Variants in LRRC40 observed in about 807,000 individuals in gnomAD.
The protein encoded by LRRC40 is leucine rich repeat containing 40, also known as leucine-rich repeat-containing protein 40.
LRRC40 carries 76 observed loss-of-function variants against 72.8 expected under a neutral mutation model. That is an observed-to-expected ratio of 1.04 (90% CI 0.87 to 1.26). The LOEUF (loss-of-function observed/expected upper bound fraction) is 1.26, where lower values mean the gene tolerates loss of function less well. Ranked by LOEUF, LRRC40 falls within the 50% of genes most tolerant of loss-of-function variation. The pLI is 0.00. For synonymous variants in LRRC40, 243 were observed against 254.2 expected (o/e 0.96, Z 0.42); for missense variants, 684 against 698.9 (o/e 0.98, Z 0.24).
intron 14 of LRRC40, among the ~76,000 whole-genome samples, 180 bp downstream of exon 14, chr1:70,148,307 T>C (rs1284900571): frequency 6.6e-6 from 1 of 152,132 alleles, no homozygotes; most frequent in Non-Finnish European, 1.5e-5. Flanking sequence ...AAACTAAAAA[T>C]ATACATTTGG....
At chr1:70,171,239 G>T (rs1055244327) in intron 9 of LRRC40, among the ~76,000 whole-genome samples, 3 of 150,696 alleles carry the variant, frequency 2.0e-5, no homozygotes, top group African/African-American at 7.3e-5. Flanking sequence ...TAAAACAATG[G>T]CGTTATAAAA....
intron 9 of LRRC40, among the ~76,000 whole-genome samples, chr1:70,162,162 T>A (rs1402782802): frequency 6.6e-6 from 1 of 152,118 alleles, no homozygotes; most frequent in Admixed American, 6.5e-5. Context: ...AGGAACTAAG[T>A]GAACCATCAT....
chr1:70,159,411 G>A lies in LRRC40; in HGVS notation c.1139C>T (p.Ala380Val). The change falls in exon 10 of 15, where the codon GCT becomes GTT. Residue 380 changes from alanine (A) to valine (V), a missense_variant. Transcript: ENST00000370952. ...TGGTAGTGTCATGGCAGTCTCAGTAGCAGACTCACTTTGGCTAGGTCCATC... is the reference window on the plus strand; with the variant it reads ...TGGTAGTGTCATGGCAGTCTCAGTAACAGACTCACTTTGGCTAGGTCCATC... ...KDDGPSQSES[A>V]TETAMTLPSE... is the part of the protein sequence containing the mutation. 6.3e-7 allele frequency: 1 copy of A among 1,594,276 alleles called. No homozygotes were observed. The highest frequency in any genetic ancestry group is 1.1e-5 in the South Asian group (1 of 88,124).
chr1:70,188,078 T>C (rs1380026866), intron 2 of LRRC40, among the ~76,000 whole-genome samples: 3 of 152,212 alleles, frequency 2.0e-5, no homozygotes, highest in African/African-American at 4.8e-5. Flanking sequence ...ACTTTTCTCA[T>C]GTTCTCACAG....
rs142378141 is a variant in LRRC40 at position 70,175,462 on chromosome 1, A to C, written c.977+348T>G. On this transcript the variant is annotated intron_variant, in intron 7 of 14. Coordinates refer to ENST00000370952, the MANE Select transcript of LRRC40 (RefSeq NM_017768.5). Reference sequence around the variant, plus strand: ...TTCTAAAACGTACCCATATTTGGGAAACAGTGCTATGGCAAGGCTTTTAAA... The same window carrying C: ...TTCTAAAACGTACCCATATTTGGGACACAGTGCTATGGCAAGGCTTTTAAA... Among the ~76,000 whole-genome samples, 267 of 152,306 alleles carry C rather than the reference A, an allele frequency of 1.8e-3. 4 individuals are homozygous for C. The highest frequency in any genetic ancestry group is 1.2e-3 in the Non-Finnish European group (82 of 68,012).
intron 11 of LRRC40, 64 bp from the exon 12 acceptor site, chr1:70,152,607 A>C (rs529534068): frequency 1.2e-6 from 1 of 810,618 alleles, no homozygotes; most frequent in South Asian, 1.5e-5. Flanking sequence ...CAAAACTGTA[A>C]GCAGATCAAA....
intron 4 of LRRC40, among the ~76,000 whole-genome samples, chr1:70,181,765 C>A (rs1057204321): frequency 1.3e-5 from 2 of 151,972 alleles, no homozygotes; most frequent in Non-Finnish European, 2.9e-5. Context: ...CAGAAGTCTA[C>A]CCTCTACTCT....
At chr1:70,164,582 C>A (rs1346439153) in intron 9 of LRRC40, among the ~76,000 whole-genome samples, 2 of 152,128 alleles carry the variant, frequency 1.3e-5, no homozygotes, top group Non-Finnish European at 2.9e-5. Flanking sequence ...TCTGGCAGGA[C>A]CTCACCCTTG....
At chr1:70,192,576 A>T (rs543242096) in intron 1 of LRRC40, among the ~76,000 whole-genome samples, 1 of 152,138 alleles carries the variant, frequency 6.6e-6, no homozygotes, top group Non-Finnish European at 1.5e-5. Context: ...AATGCCCATC[A>T]CTGACAGACT....
At chr1:70,147,424 C>T (rs1667335503) in intron 14 of LRRC40, among the ~76,000 whole-genome samples, 1 of 152,136 alleles carries the variant, frequency 6.6e-6, no homozygotes, top group Non-Finnish European at 1.5e-5. Flanking sequence ...TTTGTTCAGG[C>T]ATGAATTATA....
At chr1:70,168,326 G>T (rs1036893683) in intron 9 of LRRC40, among the ~76,000 whole-genome samples, 1 of 152,142 alleles carries the variant, frequency 6.6e-6, no homozygotes, top group African/African-American at 2.4e-5. Context: ...TCTTCCCCTG[G>T]CTCATAAGTT....
At chr1:70,179,090 GACT>G (rs1668184748) in intron 5 of LRRC40, 97 bp from the exon 6 acceptor site, 1 of 602,262 alleles carries the variant, frequency 1.7e-6, no homozygotes, top group South Asian at 4.3e-5. Context: ...TCGCTATGAG[GACT>G]TATGAACCTG....
chr1:70,176,152 T>C (rs1269239804), intron 6 of LRRC40, among the ~76,000 whole-genome samples, 170 bp from the exon 7 acceptor site: 1 of 152,226 alleles, frequency 6.6e-6, no homozygotes, highest in Non-Finnish European at 1.5e-5. Flanking sequence ...AGGCTATCTT[T>C]CAGCTAAAGA....
At chr1:70,148,137 C>T (rs1293871384) in intron 14 of LRRC40, 1 of 94,104 alleles carries the variant, frequency 1.1e-5, no homozygotes, top group South Asian at 3.1e-4. Context: ...CAATCAATTT[C>T]AAAAAAAAAA....
intron 4 of LRRC40, among the ~76,000 whole-genome samples, chr1:70,183,294 T>C (rs1558123682): frequency 2.0e-5 from 3 of 152,112 alleles, no homozygotes; most frequent in African/African-American, 7.2e-5. Flanking sequence ...CAATGCAATA[T>C]GAATTAACTA....
intron 1 of LRRC40, among the ~76,000 whole-genome samples, chr1:70,192,230 T>A (rs924065054): frequency 6.6e-6 from 1 of 152,106 alleles, no homozygotes; most frequent in Admixed American, 6.6e-5. Flanking sequence ...TTTTGCAGCA[T>A]CTGTGAATGA....
chr1:70,204,562 A>G (rs1189422986), intron 1 of LRRC40, among the ~76,000 whole-genome samples: 1 of 152,198 alleles, frequency 6.6e-6, no homozygotes, highest in Non-Finnish European at 1.5e-5. Flanking sequence ...TCATTCATTC[A>G]GAAGCATTTG....
In LRRC40 at chr1:70,205,396, T is replaced by A; in HGVS notation, c.145A>T (p.Ser49Cys). The change falls in exon 1 of 15, where the codon AGT (serine) becomes TGT (cysteine). Residue 49 changes from serine (S) to cysteine (C), a missense_variant. Transcript: ENST00000370952. Reference protein sequence around the residue: ...GQLNLSGRNLSEVPQCVWRIN... With the variant: ...GQLNLSGRNLCEVPQCVWRIN... ...TCGTACCTCTGGGTCTTACCTTCACTGAGGTTTCTACCCGACAGGTTTAAC... is the reference window on the plus strand; with the variant it reads ...TCGTACCTCTGGGTCTTACCTTCACAGAGGTTTCTACCCGACAGGTTTAAC... The A allele has an allele frequency of 3.1e-6, 5 of 1,589,356 alleles. No individual in the cohort carries two copies. The highest frequency in any genetic ancestry group is 4.3e-6 in the Non-Finnish European group (5 of 1,161,190).
At position 70,173,464 on chromosome 1, in the gene LRRC40, C is replaced by A. The variant is rs1668039591; in HGVS notation, c.1111+1G>T. 1.3e-6 allele frequency: 2 copies of A among 1,595,524 alleles called. No individual in the cohort carries two copies. The highest frequency in any genetic ancestry group is 1.1e-5 in the South Asian group (1 of 90,410). ...AAATATAAGAGAACATTTTAAAGTA[C>A]CTTTGATCTTGCTTCGTAGATATTT... On this transcript the variant is annotated splice_donor_variant, in intron 9 of 14. Coordinates refer to ENST00000370952, the MANE Select transcript of LRRC40 (RefSeq NM_017768.5). LOFTEE classifies it high-confidence loss of function.
Sources: gnomAD v4.1 joint callset for allele counts (sites outside exome capture counted in the v4.1 genomes callset) on GRCh38, gnomAD v4.1.1 for gene constraint, MANE v1.5 for transcripts, NCBI Gene and HGNC (gene_info 2026-07-23, HGNC 2026-07-21) for gene names.